Variants in EDEM2 observed in about 807,000 individuals in gnomAD.
EDEM2 encodes ER degradation enhancing alpha-mannosidase like protein 2.
In EDEM2, 39 loss-of-function variants were observed where a neutral mutation model predicts 64.8. That is an observed-to-expected ratio of 0.60 (90% CI 0.47 to 0.79). The LOEUF (loss-of-function observed/expected upper bound fraction) is 0.79, where lower values mean the gene tolerates loss of function less well. Among genes scored for constraint, EDEM2 ranks in the 30% least tolerant of loss-of-function variants. The probability of loss-of-function intolerance (pLI) is 0.00; values close to 1 mark genes in which losing one functional copy is unlikely to be tolerated. For missense variants in EDEM2, 609 were observed against 731.3 expected (o/e 0.83, Z 1.93); for synonymous variants, 296 against 291.5 (o/e 1.02, Z -0.16).
intron 2 of EDEM2, 30 bp from the exon 3 acceptor site, chr20:35,145,048 A>G (rs771522481): frequency 6.2e-6 from 10 of 1,613,358 alleles, no homozygotes; most frequent in Non-Finnish European, 3.4e-6. Context: ...CCAGCCGCTT[A>G]GTAAGAAAAT....
Position 35,146,908 on chromosome 20 carries a change from G to A in EDEM2, c.135C>T (p.His45=). 1 of 1,614,130 alleles carries A rather than the reference G, an allele frequency of 6.2e-7. No homozygotes were observed. Among genetic ancestry groups the A allele is most frequent in the Non-Finnish European group, 8.5e-7 (1 of 1,180,008 alleles). The change falls in exon 2 of 11, where the codon CAC becomes CAT. Residue 45 remains histidine, a synonymous_variant. Transcript: ENST00000374492. ...YRERVKAMFY[H]AYDSYLENAF... ...CATTCTCCAGGTAGCTGTCGTAGGC[G>A]TGGTAGAACATGGCCTTGACTCGCT...
At chr20:35,136,563 C>T (rs1014224437) in intron 5 of EDEM2, among the ~76,000 whole-genome samples, 1 of 152,008 alleles carries the variant, frequency 6.6e-6, no homozygotes, top group Non-Finnish European at 1.5e-5. Context: ...TCAAGACCAG[C>T]CTGGGCAACA....
chr20:35,115,563 G>A lies in EDEM2; in HGVS notation c.1607C>T (p.Ser536Leu), dbSNP rs201790834. 1 of 1,614,160 alleles carries A rather than the reference G, an allele frequency of 6.2e-7. No homozygotes were observed. Among genetic ancestry groups the A allele is most frequent in the East Asian group, 2.2e-5 (1 of 44,892 alleles). Reference sequence around the variant, plus strand: ...CCTTGCCTGGTCATGGTTTTCTGGTGAGAAGAGTGTTCCTGGCCTTGCTGG... The same window carrying A: ...CCTTGCCTGGTCATGGTTTTCTGGTAAGAAGAGTGTTCCTGGCCTTGCTGG... Reference protein sequence around the residue: ...EPPARPGTLFSPENHDQARER... With the variant: ...EPPARPGTLFLPENHDQARER... Residue 536 changes from serine (S) to leucine (L), a missense_variant, in exon 11 of 11, where the codon TCA becomes TTA. Coordinates refer to ENST00000374492, the MANE Select transcript of EDEM2 (RefSeq NM_018217.3).
chr20:35,130,317 G>A (rs749101497), intron 7 of EDEM2, among the ~76,000 whole-genome samples: 6 of 151,872 alleles, frequency 4.0e-5, no homozygotes, highest in Admixed American at 6.6e-5. Context: ...CAATTCTCTC[G>A]CCTCAGCTTC....
Position 35,147,170 on chromosome 20 carries a change from G to A in EDEM2, c.89C>T (p.Pro30Leu). Residue 30 changes from proline (P) to leucine (L), a missense_variant, in exon 1 of 11, where the codon CCA becomes CTA. Physicochemically the swap from Pro to Leu is moderately conservative, Grantham distance 98 (BLOSUM62 -3). Coordinates refer to ENST00000374492, the MANE Select transcript of EDEM2 (RefSeq NM_018217.3). ...HGAPGPDGSA[P>L]DPAHYRERVK... ...AGTTCACCTGTAGTGGGCGGGATCT[G>A]GCGCGGAGCCGTCGGGACCTGGCGC... 6.2e-7 allele frequency: 1 copy of A among 1,602,648 alleles called. No individual in the cohort carries two copies. Among genetic ancestry groups the A allele is most frequent in the Non-Finnish European group, 8.5e-7 (1 of 1,173,342 alleles).
chr20:35,117,544 A>G (rs1460701906), intron 10 of EDEM2, among the ~76,000 whole-genome samples: 3 of 152,236 alleles, frequency 2.0e-5, no homozygotes, highest in African/African-American at 7.2e-5. Context: ...AATACAGCAT[A>G]TTAGAAACCA....
chr20:35,129,937 C>T (rs2085485690), intron 7 of EDEM2, among the ~76,000 whole-genome samples: 1 of 151,986 alleles, frequency 6.6e-6, no homozygotes, highest in Non-Finnish European at 1.5e-5. Flanking sequence ...TTAAGTACAC[C>T]CTATGATGTT....
chr20:35,135,452 A>C (rs1408223135), intron 5 of EDEM2, among the ~76,000 whole-genome samples: 1 of 152,188 alleles, frequency 6.6e-6, no homozygotes. Flanking sequence ...GGAGTTCGAG[A>C]CCAGCCTGGC....
rs1807989361 is a variant in EDEM2, at chr20:35,127,111, G to A, written c.845-736C>T. Among the ~76,000 whole-genome samples, 7 of 152,198 alleles carry A rather than the reference G, an allele frequency of 4.6e-5. No homozygotes were observed. The South Asian group carries it at 1.5e-3, about 32-fold the overall frequency. ...ACAAGATCTGATGGTTTTATAAGAG[G>A]TTTCCCCTTTCACTTGGCTCTCATT... is the stretch of plus-strand genomic sequence containing the variant. On this transcript the variant is annotated intron_variant, in intron 7 of 10. Transcript: ENST00000374492.
chr20:35,127,351 G>A (rs1041888974), intron 7 of EDEM2, among the ~76,000 whole-genome samples: 3 of 152,054 alleles, frequency 2.0e-5, no homozygotes, highest in African/African-American at 7.2e-5. Context: ...ACAAACATTC[G>A]CTAAGCACCT....
intron 4 of EDEM2, among the ~76,000 whole-genome samples, chr20:35,140,688 G>A (rs1447807246): frequency 6.6e-6 from 1 of 152,176 alleles, no homozygotes; most frequent in African/African-American, 2.4e-5. Context: ...GATAAGTTAT[G>A]TTTGTTAAAT....
chr20:35,117,425 T>TG (rs1436325497), intron 10 of EDEM2, among the ~76,000 whole-genome samples: 1 of 152,210 alleles, frequency 6.6e-6, no homozygotes, highest in Non-Finnish European at 1.5e-5. Context: ...GTCAGACCCC[T>TG]GTTCCCATCA....
At chr20:35,137,655 C>A (rs945541792) in intron 5 of EDEM2, among the ~76,000 whole-genome samples, 2 of 152,202 alleles carry the variant, frequency 1.3e-5, no homozygotes, top group African/African-American at 2.4e-5. Flanking sequence ...CCATCCCCTG[C>A]AAACAATAAT....
intron 2 of EDEM2, among the ~76,000 whole-genome samples, chr20:35,146,063 G>A (rs1362462549): frequency 2.0e-5 from 3 of 147,022 alleles, no homozygotes; most frequent in Non-Finnish European, 4.5e-5. Context: ...CCTTTAAGAA[G>A]TTCATTTTAA....
chr20:35,125,635 C>T (rs1017886883), intron 8 of EDEM2, among the ~76,000 whole-genome samples: 3 of 152,156 alleles, frequency 2.0e-5, no homozygotes, highest in African/African-American at 4.8e-5. Context: ...CCGCCTGCCT[C>T]GGCCTGCCAA....
At chr20:35,126,421 G>T in intron 7 of EDEM2, 46 bp from the exon 8 acceptor site, 1 of 1,604,208 alleles carries the variant, frequency 6.2e-7, no homozygotes, top group Non-Finnish European at 8.5e-7. Flanking sequence ...TGATTAGGGA[G>T]AAAAAAGGCA....
At chr20:35,130,411 C>T (rs1397637313) in intron 7 of EDEM2, among the ~76,000 whole-genome samples, 1 of 151,934 alleles carries the variant, frequency 6.6e-6, no homozygotes, top group Non-Finnish European at 1.5e-5. Context: ...AAGAGATTAA[C>T]AACAATAACT....
chr20:35,143,477 C>T (rs896261931), intron 3 of EDEM2, among the ~76,000 whole-genome samples: 1 of 152,236 alleles, frequency 6.6e-6, no homozygotes, highest in African/African-American at 2.4e-5. Flanking sequence ...AGGCTGGTCT[C>T]TAATGACACA....
At chr20:35,124,983 C>T (rs1266103861) in intron 8 of EDEM2, among the ~76,000 whole-genome samples, 1 of 152,158 alleles carries the variant, frequency 6.6e-6, no homozygotes, top group Non-Finnish European at 1.5e-5. Context: ...ACCACTATTG[C>T]TAAGTAGCCA....
Sources: gnomAD v4.1 joint callset for allele counts (sites outside exome capture counted in the v4.1 genomes callset) on GRCh38, gnomAD v4.1.1 for gene constraint, MANE v1.5 for transcripts, NCBI Gene and HGNC (gene_info 2026-07-23, HGNC 2026-07-21) for gene names.